MIPOL1: variants seen among roughly 807,000 people sequenced by gnomAD.
The protein encoded by MIPOL1 is mirror-image polydactyly gene 1 protein.
MIPOL1 carries 57 observed loss-of-function variants against 60.9 expected under a neutral mutation model. The ratio of observed to expected loss-of-function variants is 0.94; its 90% CI spans 0.76 to 1.17. The LOEUF (loss-of-function observed/expected upper bound fraction) is 1.17, where lower values mean the gene tolerates loss of function less well. MIPOL1 is among the 50% of genes most tolerant of loss of function. The pLI is 0.00. For synonymous variants in MIPOL1, 179 were observed against 168.8 expected (o/e 1.06, Z -0.47); for missense variants, 551 against 511.6 (o/e 1.08, Z -0.74).
At chr14:37,400,893 T>G (rs1476568673) in intron 10 of MIPOL1, 1 of 152,132 alleles carries the variant, frequency 6.6e-6, no homozygotes, top group Non-Finnish European at 1.5e-5. Flanking sequence ...CCATATGTAA[T>G]TCAGGGAATT....
intron 4 of MIPOL1, among the ~76,000 whole-genome samples, 178 bp from the exon 5 acceptor site, chr14:37,268,480 A>G (rs974539337): frequency 1.3e-5 from 2 of 152,144 alleles, no homozygotes; most frequent in African/African-American, 4.8e-5. Flanking sequence ...TAGTGACTCC[A>G]AAATTTACCT....
intron 11 of MIPOL1, among the ~76,000 whole-genome samples, chr14:37,494,674 CATTTGT>C (rs1203136147): frequency 6.6e-6 from 1 of 152,086 alleles, no homozygotes; most frequent in Non-Finnish European, 1.5e-5. Flanking sequence ...TCTCTGTTTC[CATTTGT>C]ATCAGTAAAA....
intron 11 of MIPOL1, among the ~76,000 whole-genome samples, chr14:37,448,155 A>C (rs1197103473): frequency 6.6e-6 from 1 of 152,228 alleles, no homozygotes; most frequent in African/African-American, 2.4e-5. Context: ...TTATTACTTC[A>C]GTCACTGCAC....
intron 11 of MIPOL1, among the ~76,000 whole-genome samples, chr14:37,465,496 C>T (rs1213510131): frequency 6.6e-6 from 1 of 152,104 alleles, no homozygotes; most frequent in Non-Finnish European, 1.5e-5. Flanking sequence ...CCATTATCAC[C>T]TCAAATCTGG....
At chr14:37,415,811 AGTAAT>A (rs2093758551) in intron 10 of MIPOL1, among the ~76,000 whole-genome samples, 2 of 152,164 alleles carry the variant, frequency 1.3e-5, no homozygotes, top group Non-Finnish European at 2.9e-5. Flanking sequence ...ATAATAGAAT[AGTAAT>A]AGTAGCTACT....
intron 3 of MIPOL1, among the ~76,000 whole-genome samples, chr14:37,254,662 A>G (rs1319248570): frequency 6.6e-6 from 1 of 151,490 alleles, no homozygotes; most frequent in African/African-American, 2.4e-5. Context: ...AGCTAATAGG[A>G]TTTCTTCTTT....
intron 1 of MIPOL1, among the ~76,000 whole-genome samples, chr14:37,244,681 A>C (rs2153351654): frequency 6.6e-6 from 1 of 152,186 alleles, no homozygotes; most frequent in South Asian, 2.1e-4. Flanking sequence ...TCTTTAATGT[A>C]ATGTTAGCAT....
chr14:37,351,938 G>C (rs1481386472), intron 9 of MIPOL1, among the ~76,000 whole-genome samples: 2 of 150,162 alleles, frequency 1.3e-5, no homozygotes, highest in Non-Finnish European at 1.5e-5. Flanking sequence ...TTTGTCTTTT[G>C]TTGCCATTGC....
At chr14:37,419,164 G>A (rs1450360503) in intron 10 of MIPOL1, among the ~76,000 whole-genome samples, 1 of 152,064 alleles carries the variant, frequency 6.6e-6, no homozygotes, top group East Asian at 1.9e-4. Flanking sequence ...CTACTCAGTG[G>A]TATAAAAGAA....
intron 10 of MIPOL1, among the ~76,000 whole-genome samples, chr14:37,383,903 G>A (rs1014726706): frequency 2.0e-5 from 3 of 151,612 alleles, no homozygotes; most frequent in Non-Finnish European, 4.4e-5. Context: ...ATTTTTATAT[G>A]CTGAAAGATA....
chr14:37,441,247 T>G (rs1463188115), intron 11 of MIPOL1, among the ~76,000 whole-genome samples: 1 of 152,158 alleles, frequency 6.6e-6, no homozygotes, highest in Non-Finnish European at 1.5e-5. Context: ...TTTAATCAAG[T>G]CCCATTTGTC....
At chr14:37,433,747 G>T (rs1030356042) in intron 11 of MIPOL1, among the ~76,000 whole-genome samples, 7 of 152,124 alleles carry the variant, frequency 4.6e-5, no homozygotes, top group African/African-American at 1.4e-4. Flanking sequence ...GTAGAGACGG[G>T]GTTTCACCAT....
At chr14:37,484,651 A>G (rs1327068737) in intron 11 of MIPOL1, among the ~76,000 whole-genome samples, 1 of 151,906 alleles carries the variant, frequency 6.6e-6, no homozygotes, top group South Asian at 2.1e-4. Context: ...ATCTTTTATT[A>G]TAGTCCACAG....
At chr14:37,483,248 G>A (rs919199968) in intron 11 of MIPOL1, among the ~76,000 whole-genome samples, 2 of 150,304 alleles carry the variant, frequency 1.3e-5, no homozygotes, top group Non-Finnish European at 3.0e-5. Flanking sequence ...GAGTAGCTGG[G>A]ATTATGGGCT....
At chr14:37,444,828 A>G (rs1305240631) in intron 11 of MIPOL1, among the ~76,000 whole-genome samples, 1 of 152,236 alleles carries the variant, frequency 6.6e-6, no homozygotes, top group Non-Finnish European at 1.5e-5. Flanking sequence ...CAAAAACCAC[A>G]TGATTATCTC....
At chr14:37,310,798 G>C (rs766098334) in intron 9 of MIPOL1, among the ~76,000 whole-genome samples, 1 of 152,140 alleles carries the variant, frequency 6.6e-6, no homozygotes, top group African/African-American at 2.4e-5. Flanking sequence ...ACTCCTGGAC[G>C]ATCCTGTATT....
chr14:37,526,043 A>T (rs1476744153), intron 12 of MIPOL1, among the ~76,000 whole-genome samples: 1 of 152,212 alleles, frequency 6.6e-6, no homozygotes, highest in East Asian at 1.9e-4. Context: ...AGTATTTCTA[A>T]GAGAGTATGG....
At chr14:37,298,672 A>G (rs2086032905) in intron 7 of MIPOL1, among the ~76,000 whole-genome samples, 1 of 152,238 alleles carries the variant, frequency 6.6e-6, no homozygotes, top group South Asian at 2.1e-4. Flanking sequence ...GAAGACATTT[A>G]TGCAGCCAAA....
At chr14:37,361,599 T>TTA in intron 9 of MIPOL1, among the ~76,000 whole-genome samples, 1 of 144,992 alleles carries the variant, frequency 6.9e-6, no homozygotes, top group East Asian at 2.1e-4. Flanking sequence ...TTTTTGTTTC[T>TTA]CCCTCTCTCT....
Sources: gnomAD v4.1 joint callset for allele counts (sites outside exome capture counted in the v4.1 genomes callset) on GRCh38, gnomAD v4.1.1 for gene constraint, MANE v1.5 for transcripts, NCBI Gene and HGNC (gene_info 2026-07-23, HGNC 2026-07-21) for gene names.